NFKB1: variants seen among roughly 807,000 people sequenced by gnomAD.
NFKB1 encodes nuclear factor kappa B subunit 1.
NFKB1 carries 9 observed loss-of-function variants against 105.1 expected under a neutral mutation model. The ratio of observed to expected loss-of-function variants is 0.09; its 90% CI spans 0.05 to 0.15. The LOEUF is 0.15. NFKB1 is among the 10% of genes least tolerant of loss of function. The pLI is 1.00. For synonymous variants in NFKB1, 440 were observed against 442.2 expected (o/e 1.00, Z 0.06); for missense variants, 830 against 1,203.7 (o/e 0.69, Z 4.59).
At position 102,613,467 on chromosome 4, in the gene NFKB1, C is replaced by G. The variant is rs572469662; in HGVS notation, c.2635C>G (p.Gln879Glu). The stretch of plus-strand genomic sequence containing the variant: ...CAGAGAGCTGGTGGAGGCCCTGAGA[C>G]AAATGGGCTACACCGAAGCAATTGA... The part of the protein sequence containing the change: ...TVRELVEALR[Q>E]MGYTEAIEVI... Residue 879 changes from glutamine (Q) to glutamate (E), a missense_variant, in exon 23 of 24, where the codon CAA becomes GAA. Coordinates refer to ENST00000226574, the MANE Select transcript of NFKB1 (RefSeq NM_003998.4). 6.2e-7 allele frequency: 1 copy of G among 1,613,940 alleles called. No homozygotes were observed. The highest frequency in any genetic ancestry group is 1.1e-5 in the South Asian group (1 of 91,060).
intron 5 of NFKB1, among the ~76,000 whole-genome samples, chr4:102,565,695 G>A (rs528245100): frequency 1.3e-4 from 19 of 150,650 alleles, no homozygotes; most frequent in African/African-American, 4.1e-4. Context: ...CCCTCCCTCC[G>A]TCCCATCGTT....
intron 1 of NFKB1, among the ~76,000 whole-genome samples, chr4:102,509,484 G>C (rs1159493499): frequency 3.3e-5 from 5 of 152,136 alleles, no homozygotes; most frequent in Non-Finnish European, 7.4e-5. Flanking sequence ...GAGTAATTGT[G>C]CTATATTTAC....
At position 102,521,129 on chromosome 4, in the gene NFKB1, G is replaced by A. The variant is rs573064408; in HGVS notation, c.-7-4383G>A. Among the ~76,000 whole-genome samples, 15 of 152,238 alleles carry A rather than the reference G, an allele frequency of 9.9e-5. No homozygotes were observed. In the South Asian group the frequency reaches 2.7e-3, roughly 27 times the overall value. The stretch of plus-strand genomic sequence containing the variant: ...TCAAAGGACATACAGATTATTTCCA[G>A]TTCCTTGCTGCAGTGAATATCCTTG... On this transcript the variant is annotated intron_variant, in intron 1 of 23. Transcript: ENST00000226574.
chr4:102,600,475 T>C (rs1289827467), intron 15 of NFKB1, among the ~76,000 whole-genome samples: 2 of 152,200 alleles, frequency 1.3e-5, no homozygotes, highest in Admixed American at 1.3e-4. Context: ...GAACAATTCC[T>C]AGTGCCAGGC....
chr4:102,601,507 A>C (rs1727140162), intron 16 of NFKB1, among the ~76,000 whole-genome samples: 1 of 152,242 alleles, frequency 6.6e-6, no homozygotes, highest in African/African-American at 2.4e-5. Flanking sequence ...AAAAGCAGAA[A>C]GACAGCTCCA....
intron 5 of NFKB1, among the ~76,000 whole-genome samples, chr4:102,545,460 C>T (rs573700336): frequency 1.3e-5 from 2 of 152,130 alleles, no homozygotes; most frequent in South Asian, 2.1e-4. Context: ...TTCTGTGATC[C>T]GCATTTTATA....
chr4:102,529,866 A>G lies in NFKB1; in HGVS notation c.70A>G (p.Thr24Ala), dbSNP rs749502665. 3.7e-6 allele frequency: 6 copies of G among 1,609,574 alleles called. No individual in the cohort carries two copies. The South Asian group carries it at 4.4e-5, about 12-fold the overall frequency. Residue 24 changes from threonine to alanine, a missense_variant, in exon 3 of 24, where the codon ACA becomes GCA. Thr to Ala is a moderately conservative substitution (Grantham distance 58). Coordinates refer to ENST00000226574, the MANE Select transcript of NFKB1 (RefSeq NM_003998.4). ...TCATTTGGATCCTTCTTTGACTCAT[A>G]CAATATTTAATCCAGAAGTATTTCA... ...MFHLDPSLTH[T>A]IFNPEVFQPQ...
chr4:102,604,398 A>G (rs998847869), intron 16 of NFKB1, among the ~76,000 whole-genome samples: 3 of 152,120 alleles, frequency 2.0e-5, no homozygotes, highest in East Asian at 1.9e-4. Context: ...GTTTCCCCCA[A>G]TGGTAACATC....
At chr4:102,608,106 G>GAA (rs1457799303) in intron 19 of NFKB1, among the ~76,000 whole-genome samples, 3 of 152,088 alleles carry the variant, frequency 2.0e-5, no homozygotes, top group Non-Finnish European at 4.4e-5. Context: ...GGCCCCAGAA[G>GAA]AAAAAGATTA....
Position 102,607,157 on chromosome 4 carries a change from T to C in NFKB1, c.1962T>C (p.Asn654=). Reference sequence around the variant, plus strand: ...CCTTTGCTTGGACTCTAGGTCTGAATGCCATTCATCTAGCCATGATGAGCA... The same window carrying C: ...CCTTTGCTTGGACTCTAGGTCTGAACGCCATTCATCTAGCCATGATGAGCA... ...LLDHPNGDGL[N]AIHLAMMSNS... Residue 654 remains asparagine, a synonymous_variant, in exon 18 of 24, where the codon AAT becomes AAC. Coordinates refer to ENST00000226574, the MANE Select transcript of NFKB1 (RefSeq NM_003998.4). 1 of 1,614,178 alleles carries C rather than the reference T, an allele frequency of 6.2e-7. No homozygotes were observed. Among genetic ancestry groups the C allele is most frequent in the Non-Finnish European group, 8.5e-7 (1 of 1,180,032 alleles).
At chr4:102,585,782 A>G (rs1382428100) in intron 11 of NFKB1, among the ~76,000 whole-genome samples, 1 of 152,168 alleles carries the variant, frequency 6.6e-6, no homozygotes, top group African/African-American at 2.4e-5. Flanking sequence ...TTTGGCCCTC[A>G]GCATTTGGGG....
intron 5 of NFKB1, among the ~76,000 whole-genome samples, chr4:102,565,316 A>G (rs539667166): frequency 1.3e-5 from 2 of 152,168 alleles, no homozygotes; most frequent in Admixed American, 1.3e-4. Flanking sequence ...AGCCAAGTGC[A>G]TGCATACAGG....
chr4:102,584,846 G>A (rs1167876629), intron 11 of NFKB1, 26 bp downstream of exon 11: 3 of 1,566,658 alleles, frequency 1.9e-6, no homozygotes, highest in South Asian at 2.4e-5. Context: ...AAAATCTTAT[G>A]CTCATATTTT....
At chr4:102,614,953 C>T (rs913664378) in intron 23 of NFKB1, among the ~76,000 whole-genome samples, 5 of 152,074 alleles carry the variant, frequency 3.3e-5, no homozygotes, top group African/African-American at 9.7e-5. Flanking sequence ...CTAATCACTT[C>T]GTATGCGACG....
chr4:102,533,935 T>C (rs774322931), intron 4 of NFKB1, 50 bp downstream of exon 4: 3 of 1,496,208 alleles, frequency 2.0e-6, no homozygotes, highest in Non-Finnish European at 2.8e-6. Context: ...GTGTCTAATA[T>C]TGAGATCATA....
intron 19 of NFKB1, 57 bp from the exon 20 acceptor site, chr4:102,610,518 C>A: frequency 6.3e-7 from 1 of 1,576,898 alleles, no homozygotes; most frequent in Non-Finnish European, 8.7e-7. Flanking sequence ...CCTTTGCAGG[C>A]AGTTGGAAGT....
At chr4:102,614,712 C>T (rs1052171690) in intron 23 of NFKB1, among the ~76,000 whole-genome samples, 1 of 152,044 alleles carries the variant, frequency 6.6e-6, no homozygotes, top group African/African-American at 2.4e-5. Context: ...TCATGGTTGA[C>T]GCCTACCTTC....
chr4:102,574,285 A>C (rs1724630232), intron 6 of NFKB1, among the ~76,000 whole-genome samples: 1 of 152,236 alleles, frequency 6.6e-6, no homozygotes, highest in Non-Finnish European at 1.5e-5. Context: ...ATTTGACATC[A>C]TTGCTAAGGC....
chr4:102,552,187 T>G (rs1042573726), intron 5 of NFKB1, among the ~76,000 whole-genome samples: 1 of 152,202 alleles, frequency 6.6e-6, no homozygotes, highest in Non-Finnish European at 1.5e-5. Flanking sequence ...CTTGAGTGTC[T>G]TCAGAGCAGA....
Sources: gnomAD v4.1 joint callset for allele counts (sites outside exome capture counted in the v4.1 genomes callset) on GRCh38, gnomAD v4.1.1 for gene constraint, MANE v1.5 for transcripts, NCBI Gene and HGNC (gene_info 2026-07-23, HGNC 2026-07-21) for gene names.